COX7B2: variants seen among roughly 807,000 people sequenced by gnomAD.
COX7B2 encodes the protein cytochrome c oxidase subunit 7B2.
For missense variants in COX7B2, 109 were observed against 95.9 expected, an observed-to-expected ratio of 1.14 and a Z score of -0.57; for synonymous variants, 37 against 32.1, an observed-to-expected ratio of 1.15 and a Z score of -0.51.
At chr4:46,872,826 AT>A (rs200432419) in intron 1 of COX7B2, among the ~76,000 whole-genome samples, 18 of 151,572 alleles carry the variant, frequency 1.2e-4, no homozygotes, top group Admixed American at 7.9e-4. Context: ...TTTGGTGTTA[AT>A]TTTTTTTTAT....
chr4:46,835,358 C>T (rs566435720), intron 2 of COX7B2, among the ~76,000 whole-genome samples: 1 of 151,892 alleles, frequency 6.6e-6, no homozygotes, highest in South Asian at 2.1e-4. Context: ...CGTAAACATC[C>T]TAAAATGAAA....
chr4:46,741,461 C>A (rs1455900206), intron 2 of COX7B2, among the ~76,000 whole-genome samples: 1 of 152,040 alleles, frequency 6.6e-6, no homozygotes, highest in Non-Finnish European at 1.5e-5. Flanking sequence ...GGTGCAAAAT[C>A]ATTCCCAGTT....
At chr4:46,818,401 A>G (rs1407584213) in intron 2 of COX7B2, among the ~76,000 whole-genome samples, 3 of 152,138 alleles carry the variant, frequency 2.0e-5, no homozygotes, top group Admixed American at 6.5e-5. Flanking sequence ...TGGGAGGCCG[A>G]GGCGGGTGGA....
chr4:46,894,950 G>T (rs1333646071), intron 1 of COX7B2, among the ~76,000 whole-genome samples: 1 of 152,060 alleles, frequency 6.6e-6, no homozygotes, highest in Non-Finnish European at 1.5e-5. Flanking sequence ...CACACCAGTC[G>T]GAATGGCTAT....
At chr4:46,830,506 G>A (rs1233695788) in intron 2 of COX7B2, among the ~76,000 whole-genome samples, 2 of 152,014 alleles carry the variant, frequency 1.3e-5, no homozygotes, top group African/African-American at 4.8e-5. Flanking sequence ...GGTATATTGT[G>A]TTCATTAATA....
At chr4:46,795,002 G>A (rs1382937750) in intron 2 of COX7B2, among the ~76,000 whole-genome samples, 4,727 of 149,426 alleles carry the variant, frequency 0.032, 288 homozygotes, top group African/African-American at 0.1. Flanking sequence ...GTCTTCTTTT[G>A]AGAAGTGTCT....
intron 2 of COX7B2, among the ~76,000 whole-genome samples, chr4:46,740,260 A>G (rs1380470390): frequency 2.0e-5 from 3 of 152,222 alleles, no homozygotes; most frequent in East Asian, 3.9e-4. Flanking sequence ...CAGACATGTG[A>G]AAATAAAAGA....
chr4:46,804,219 C>T (rs147217885), intron 2 of COX7B2, among the ~76,000 whole-genome samples: 1,902 of 152,226 alleles, frequency 0.012, 32 homozygotes, highest in African/African-American at 0.043. Context: ...GTGAGTGTTA[C>T]AGCTCATAAA....
chr4:46,785,767 T>C (rs1717724927), intron 2 of COX7B2, among the ~76,000 whole-genome samples: 2 of 151,888 alleles, frequency 1.3e-5, no homozygotes, highest in South Asian at 2.1e-4. Context: ...ACCACATGAA[T>C]AGAGAAGGGG....
intron 2 of COX7B2, among the ~76,000 whole-genome samples, chr4:46,781,398 G>A (rs1419498592): frequency 1.3e-5 from 2 of 152,204 alleles, no homozygotes; most frequent in African/African-American, 4.8e-5. Context: ...AGTTAGAATT[G>A]AGTCATCTGA....
intron 2 of COX7B2, among the ~76,000 whole-genome samples, chr4:46,842,675 G>A (rs1469932011): frequency 6.6e-6 from 1 of 151,946 alleles, no homozygotes; most frequent in South Asian, 2.1e-4. Flanking sequence ...CCTTGCGATA[G>A]TTTGCTGAGA....
intron 1 of COX7B2, among the ~76,000 whole-genome samples, chr4:46,875,073 A>C (rs1718239666): frequency 1.3e-5 from 2 of 152,132 alleles, no homozygotes; most frequent in South Asian, 2.1e-4. Flanking sequence ...TAGAACAAAC[A>C]TCTGCCTGTT....
At chr4:46,899,840 T>C (rs889808317) in intron 1 of COX7B2, among the ~76,000 whole-genome samples, 4 of 152,202 alleles carry the variant, frequency 2.6e-5, no homozygotes, top group African/African-American at 9.7e-5. Context: ...GAGTACTTGC[T>C]ATGCTCCAGG....
intron 1 of COX7B2, among the ~76,000 whole-genome samples, chr4:46,905,252 T>C (rs982678567): frequency 2.1e-4 from 32 of 152,152 alleles, no homozygotes; most frequent in African/African-American, 7.7e-4. Flanking sequence ...CATTTTTCCA[T>C]CTGTTTTAAC....
intron 2 of COX7B2, among the ~76,000 whole-genome samples, chr4:46,817,569 G>A (rs1430868672): frequency 1.3e-5 from 2 of 152,076 alleles, no homozygotes; most frequent in Non-Finnish European, 2.9e-5. Flanking sequence ...TCTAACTTTA[G>A]GCTCTAAACA....
At chr4:46,849,494 T>A (rs1015917223) in intron 1 of COX7B2, among the ~76,000 whole-genome samples, 1 of 152,110 alleles carries the variant, frequency 6.6e-6, no homozygotes, top group Non-Finnish European at 1.5e-5. Context: ...TTTTAATGGA[T>A]AGTATATGCT....
chr4:46,832,971 T>TCA (rs1715259750), intron 2 of COX7B2, among the ~76,000 whole-genome samples: 4 of 152,030 alleles, frequency 2.6e-5, no homozygotes, highest in Admixed American at 2.6e-4. Flanking sequence ...AAAGGCGTGA[T>TCA]CTTGGCTTAC....
chr4:46,795,012 T>TG (rs1250629100), intron 2 of COX7B2, among the ~76,000 whole-genome samples: 4,590 of 149,156 alleles, frequency 0.031, 269 homozygotes, highest in African/African-American at 0.1. Context: ...GAGAAGTGTC[T>TG]GTTCATGTCC....
At chr4:46,796,526 C>T (rs1718357757) in intron 2 of COX7B2, among the ~76,000 whole-genome samples, 1 of 120,608 alleles carries the variant, frequency 8.3e-6, no homozygotes, top group Non-Finnish European at 1.7e-5. Context: ...TTGTGGAAGT[C>T]AGTGTGGCGA....
Sources: allele counts gnomAD v4.1 joint callset (sites outside exome capture counted in the v4.1 genomes callset), GRCh38; gene constraint gnomAD v4.1.1; transcripts MANE v1.5; gene names NCBI Gene and HGNC (gene_info 2026-07-23, HGNC 2026-07-21).